ZNF782: variants seen among roughly 807,000 people sequenced by gnomAD.
ZNF782 encodes the protein zinc finger protein 782.
ZNF782 carries 12 observed loss-of-function variants against 13.0 expected under a neutral mutation model. The ratio of observed to expected loss-of-function variants is 0.92; its 90% CI spans 0.59 to 1.50. The LOEUF is 1.50. ZNF782 is among the 40% of genes most tolerant of loss of function. The probability of loss-of-function intolerance (pLI) is 0.00; values close to 1 mark genes in which losing one functional copy is unlikely to be tolerated. For synonymous variants in ZNF782, 284 were observed against 283.0 expected, an observed-to-expected ratio of 1.00 and a Z score of -0.04; for missense variants, 770 against 822.9, an observed-to-expected ratio of 0.94 and a Z score of 0.79.
chr9:96,818,064 T>C lies in ZNF782; in HGVS notation c.1959A>G (p.Glu653=), dbSNP rs764375226. The C allele has an allele frequency of 8.7e-6, 14 of 1,613,942 alleles. No homozygotes were observed. The highest frequency in any genetic ancestry group is 5.3e-5 in the African/African-American group (4 of 74,898). Residue 653 remains glutamate, a synonymous_variant, in exon 6 of 6, where the codon GAA becomes GAG. Transcript: ENST00000481138. Reference sequence around the variant, plus strand: ...TGAGATTGGATTTCTGACTGAAAGCTTCCCCACACTGATTACAATTATATG... The same window carrying C: ...TGAGATTGGATTTCTGACTGAAAGCCTCCCCACACTGATTACAATTATATG... The part of the protein sequence containing the change: ...EKPYNCNQCG[E]AFSQKSNLRV...
intron 4 of ZNF782, among the ~76,000 whole-genome samples, chr9:96,827,759 GA>G: frequency 6.6e-6 from 1 of 152,288 alleles, no homozygotes; most frequent in South Asian, 2.1e-4. Context: ...AAAAGGAACT[GA>G]TTTCCATAAC....
the ZNF782 span, chr9:96,887,602 C>T: frequency 6.6e-6 from 1 of 152,170 alleles, no homozygotes; most frequent in South Asian, 2.1e-4. Flanking sequence ...TTGTGGAAGT[C>T]AGTGTGGCGA....
chr9:96,862,884 A>C (rs541716729), intron 1 of ZNF782, among the ~76,000 whole-genome samples: 41 of 152,302 alleles, frequency 2.7e-4, no homozygotes, highest in African/African-American at 9.9e-4. Flanking sequence ...ACCTGCAACT[A>C]ATCTGGCGGC....
the ZNF782 span, among the ~76,000 whole-genome samples, chr9:96,884,596 G>A: frequency 3.3e-5 from 5 of 152,094 alleles, no homozygotes; most frequent in South Asian, 1.0e-3. Context: ...CAGTCAGGGA[G>A]CTGGTCACAT....
At chr9:96,892,510 C>T in the ZNF782 span, 5 of 152,226 alleles carry the variant, frequency 3.3e-5, no homozygotes, top group Non-Finnish European at 5.9e-5. Flanking sequence ...TTCCTCACGC[C>T]TTTGCTGTGT....
the ZNF782 span, chr9:96,887,286 A>AAGGAAGG: frequency 1.6e-5 from 2 of 121,886 alleles, no homozygotes; most frequent in South Asian, 6.1e-4. Context: ...TGCAAAAAAG[A>AAGGAAGG]AAGGAAGGAA....
At chr9:96,875,643 G>C (rs1564018001), upstream of ZNF782, 2 of 454,620 alleles carry the variant, frequency 4.4e-6, no homozygotes, top group Non-Finnish European at 8.8e-6. Flanking sequence ...TTCCTAAAGG[G>C]GGCGCAGCTC....
At chr9:96,898,839 G>C in the ZNF782 span, among the ~76,000 whole-genome samples, 1 of 148,938 alleles carries the variant, frequency 6.7e-6, no homozygotes, top group Non-Finnish European at 1.5e-5. Context: ...CTCCCAAAGT[G>C]CTGGGATTAC....
chr9:96,905,734 C>T, the ZNF782 span, among the ~76,000 whole-genome samples: 14 of 152,340 alleles, frequency 9.2e-5, no homozygotes, highest in South Asian at 4.1e-4. Flanking sequence ...TACAGACATG[C>T]GCCACTATGC....
chr9:96,931,978 T>G, the ZNF782 span: 2 of 1,611,390 alleles, frequency 1.2e-6, no homozygotes, highest in African/African-American at 1.3e-5. Flanking sequence ...AAGTGGGGCC[T>G]GTGAAGCCCC....
chr9:96,875,863 G>C (rs1851886718), upstream of ZNF782, among the ~76,000 whole-genome samples: 1 of 152,248 alleles, frequency 6.6e-6, no homozygotes, highest in African/African-American at 2.4e-5. Flanking sequence ...GCCTTAGCTA[G>C]GCGTGAAGCA....
chr9:96,819,170 G>A lies in ZNF782; in HGVS notation c.853C>T (p.His285Tyr). 6.2e-7 allele frequency: 1 copy of A among 1,613,128 alleles called. No homozygotes were observed. The highest frequency in any genetic ancestry group is 8.5e-7 in the Non-Finnish European group (1 of 1,179,556). Residue 285 changes from histidine to tyrosine, a missense_variant, in exon 6 of 6, where the codon CAC becomes TAC. Coordinates refer to ENST00000481138, the MANE Select transcript of ZNF782 (RefSeq NM_001001662.3). ...DTGNCFCRIT[H>Y]KTLTGGKSFS... ...GATTTCCCTCCTGTGAGAGTTTTGTGAGTGATTCTACAGAAACAATTTCCA... is the reference window on the plus strand; with the variant it reads ...GATTTCCCTCCTGTGAGAGTTTTGTAAGTGATTCTACAGAAACAATTTCCA...
At chr9:96,855,490 T>C (rs1411580637), upstream of ZNF782, among the ~76,000 whole-genome samples, 2 of 152,266 alleles carry the variant, frequency 1.3e-5, no homozygotes, top group African/African-American at 4.8e-5. Flanking sequence ...CTCCCACTTA[T>C]GAGTGAGAAC....
At chr9:96,843,364 C>T (rs1364469928) in intron 4 of ZNF782, among the ~76,000 whole-genome samples, 1 of 152,124 alleles carries the variant, frequency 6.6e-6, no homozygotes, top group East Asian at 1.9e-4. Flanking sequence ...GAATGAACTA[C>T]GGATACACTA....
chr9:96,827,490 C>T (rs1014461743), intron 4 of ZNF782, among the ~76,000 whole-genome samples: 6 of 151,994 alleles, frequency 3.9e-5, no homozygotes, highest in Admixed American at 3.3e-4. Flanking sequence ...CCACCATACC[C>T]GGCTAATTTT....
the ZNF782 span, chr9:96,933,675 G>C: frequency 6.6e-6 from 1 of 152,464 alleles, no homozygotes; most frequent in South Asian, 2.1e-4. Context: ...CCCACCCTGG[G>C]TTTAGGTCTT....
At chr9:96,886,311 AC>A in the ZNF782 span, among the ~76,000 whole-genome samples, 1 of 152,214 alleles carries the variant, frequency 6.6e-6, no homozygotes, top group Non-Finnish European at 1.5e-5. Flanking sequence ...GAAACTTAAG[AC>A]AGGAAAGAGC....
chr9:96,927,678 AT>A, the ZNF782 span, among the ~76,000 whole-genome samples: 2 of 152,100 alleles, frequency 1.3e-5, no homozygotes, highest in East Asian at 1.9e-4. Flanking sequence ...TAAAGGACAG[AT>A]TTTTTTTGTA....
At chr9:96,929,132 G>A in the ZNF782 span, 3 of 1,575,864 alleles carry the variant, frequency 1.9e-6, no homozygotes, top group Non-Finnish European at 2.6e-6. Context: ...ACAGCTTATA[G>A]GGCTGATGTT....
Sources: allele counts gnomAD v4.1 joint callset (sites outside exome capture counted in the v4.1 genomes callset), GRCh38; gene constraint gnomAD v4.1.1; transcripts MANE v1.5; gene names NCBI Gene and HGNC (gene_info 2026-07-23, HGNC 2026-07-21).